The following UVRAG variants were observed in gnomAD, a reference collection of about 807,000 sequenced individuals.
UVRAG encodes UV radiation resistance-associated gene protein.
Under a neutral mutation model 78.0 loss-of-function variants are expected in UVRAG, and 19 were observed. The ratio of observed to expected loss-of-function variants is 0.24; its 90% CI spans 0.17 to 0.36. The LOEUF (loss-of-function observed/expected upper bound fraction) is 0.36. Ranked by LOEUF, UVRAG falls within the 10% of genes least tolerant of loss-of-function variation. The pLI, the probability that UVRAG is intolerant of heterozygous loss-of-function variation, is 1.00. For synonymous variants in UVRAG, 323 were observed against 324.6 expected (o/e 1.00, Z 0.05); for missense variants, 740 against 853.8 (o/e 0.87, Z 1.66).
At chr11:76,078,566 G>A (rs1156364801) in intron 13 of UVRAG, among the ~76,000 whole-genome samples, 1 of 151,658 alleles carries the variant, frequency 6.6e-6, no homozygotes, top group Non-Finnish European at 1.5e-5. Context: ...CAAAAAGGTG[G>A]ATGAAATGAT....
Position 76,007,582 on chromosome 11 carries a change from G to A in UVRAG, c.960G>A (p.Gln320=), listed in dbSNP as rs2135345828. The A allele has an allele frequency of 6.2e-7, 1 of 1,613,896 alleles. No individual in the cohort carries two copies. The highest frequency in any genetic ancestry group is 8.5e-7 in the Non-Finnish European group (1 of 1,179,960). The part of the protein sequence containing the change: ...TNAQLTIRCR[Q]LLSELSYIYP... ...CTCAGTTGACAATTCGTTGCAGGCA[G>A]TTACTCTCTGAGCTTTCCTACATTT... is the stretch of plus-strand genomic sequence containing the variant. The change falls in exon 10 of 15, where the codon CAG becomes CAA. Residue 320 remains glutamine, a synonymous_variant. Transcript: ENST00000356136.
At chr11:75,969,273 G>T (rs1028836787) in intron 7 of UVRAG, among the ~76,000 whole-genome samples, 2 of 152,220 alleles carry the variant, frequency 1.3e-5, no homozygotes, top group Admixed American at 6.5e-5. Flanking sequence ...GTTTCACTTA[G>T]TGTAATGTCC....
chr11:76,071,425 A>T (rs927884250), intron 13 of UVRAG, among the ~76,000 whole-genome samples: 1 of 152,140 alleles, frequency 6.6e-6, no homozygotes, highest in Non-Finnish European at 1.5e-5. Flanking sequence ...TGGCAGAGGT[A>T]CCCAGGGAGC....
At position 76,095,748 on chromosome 11, in the gene UVRAG, G is replaced by A. The variant is rs907070407; in HGVS notation, c.1306-20176G>A. ...TAGCTGGGCATGGTGGTGCCCACCT[G>A]TAGTTCTGGCTACTTGGGAAGCTGA... On this transcript the variant is annotated intron_variant, in intron 13 of 14. Coordinates refer to ENST00000356136, the MANE Select transcript of UVRAG (RefSeq NM_003369.4). Among the ~76,000 whole-genome samples the A allele has an allele frequency of 3.3e-5, 5 of 151,166 alleles. No individual in the cohort carries two copies. In the East Asian group the frequency reaches 9.7e-4, roughly 29 times the overall value.
chr11:75,941,276 G>T (rs1948478248), intron 6 of UVRAG, among the ~76,000 whole-genome samples: 1 of 152,084 alleles, frequency 6.6e-6, no homozygotes, highest in Non-Finnish European at 1.5e-5. Context: ...TCAGATTTTT[G>T]TTGTTGTCTC....
At chr11:75,953,283 C>A (rs1948738294) in intron 6 of UVRAG, among the ~76,000 whole-genome samples, 1 of 152,110 alleles carries the variant, frequency 6.6e-6, no homozygotes, top group Non-Finnish European at 1.5e-5. Context: ...TCTCTGTGTG[C>A]CATTCACCTA....
intron 4 of UVRAG, among the ~76,000 whole-genome samples, chr11:75,882,545 A>T (rs1946975663): frequency 6.6e-6 from 1 of 152,104 alleles, no homozygotes; most frequent in South Asian, 2.1e-4. Context: ...TGAAAATCTA[A>T]AAAAAACTAA....
intron 1 of UVRAG, among the ~76,000 whole-genome samples, chr11:75,832,111 C>T (rs765494452): frequency 8.5e-5 from 13 of 152,170 alleles, no homozygotes; most frequent in South Asian, 2.1e-4. Flanking sequence ...ACTGTCTGTA[C>T]CTAGGACAGT....
intron 6 of UVRAG, chr11:75,931,008 C>T (rs1312342501): frequency 8.2e-6 from 1 of 121,496 alleles, no homozygotes; most frequent in South Asian, 2.5e-4. Context: ...TTCTTTTAAC[C>T]TTTCCTGGGT....
Position 76,142,921 on chromosome 11 carries a change from T to A in UVRAG, c.*1508T>A, listed in dbSNP as rs1213394192. ...AGCATTCCTGGGCTCAAGTTTAATG[T>A]ATAGCTACATTGTTGTTTTCCATGT... On this transcript the variant is annotated 3_prime_UTR_variant, in exon 15 of 15. Transcript: ENST00000356136. 6.6e-6 allele frequency: 1 copy of A among 152,300 alleles called. No individual in the cohort carries two copies. Among genetic ancestry groups the A allele is most frequent in the Non-Finnish European group, 1.5e-5 (1 of 68,046 alleles). The allele number at this position is 152,300 out of a possible 1,614,324, so 9.4% of individuals were successfully genotyped here. A position where few individuals can be genotyped will look rare whatever the true frequency, so the allele number is the denominator to read the frequency against.
In UVRAG at chr11:75,949,718, C is replaced by T. The variant is rs1046638965; in HGVS notation, c.594-11726C>T. Among the ~76,000 whole-genome samples the T allele has an allele frequency of 2.7e-5, 4 of 147,398 alleles. No individual in the cohort carries two copies. The South Asian group carries it at 6.3e-4, about 23-fold the overall frequency. On this transcript the variant is annotated intron_variant, in intron 6 of 14. Transcript: ENST00000356136. Reference sequence around the variant, plus strand: ...ATATATATATATATATATATATACACACACACACACACATATACACATATA... The same window carrying T: ...ATATATATATATATATATATATACATACACACACACACATATACACATATA...
At chr11:75,877,291 T>C (rs1335632454) in intron 3 of UVRAG, among the ~76,000 whole-genome samples, 1 of 152,172 alleles carries the variant, frequency 6.6e-6, no homozygotes, top group Non-Finnish European at 1.5e-5. Context: ...CTCAATCTTT[T>C]CCCCACCTTT....
At chr11:76,074,188 C>G (rs1951364747) in intron 13 of UVRAG, among the ~76,000 whole-genome samples, 1 of 152,072 alleles carries the variant, frequency 6.6e-6, no homozygotes, top group African/African-American at 2.4e-5. Context: ...AATGAAAGCC[C>G]TTTGGGGTCC....
At chr11:76,087,432 C>T (rs1234091627) in intron 13 of UVRAG, among the ~76,000 whole-genome samples, 3 of 152,136 alleles carry the variant, frequency 2.0e-5, no homozygotes, top group African/African-American at 4.8e-5. Context: ...TTATTGACTG[C>T]ATCACAGACC....
chr11:76,037,740 T>TAA (rs1362991006), intron 12 of UVRAG, among the ~76,000 whole-genome samples: 1 of 151,972 alleles, frequency 6.6e-6, no homozygotes, highest in Non-Finnish European at 1.5e-5. Context: ...GGCGGGTACT[T>TAA]AAATTCTGGA....
rs117346482 is a variant in UVRAG, at chr11:76,111,587, C to A, written c.1306-4337C>A. Among the ~76,000 whole-genome samples the A allele has an allele frequency of 2.6e-5, 4 of 152,276 alleles. No individual in the cohort carries two copies. The East Asian group carries it at 7.7e-4, about 29-fold the overall frequency. On this transcript the variant is annotated intron_variant, in intron 13 of 14. Transcript: ENST00000356136. ...GGTGATTACGTGAAAGTGTAACATA[C>A]CAACACAGAGTTCCCCAACTGCCTT...
intron 3 of UVRAG, among the ~76,000 whole-genome samples, chr11:75,876,051 C>T (rs1946770212): frequency 6.6e-6 from 1 of 152,090 alleles, no homozygotes; most frequent in African/African-American, 2.4e-5. Context: ...AAACCAAAGC[C>T]CCGGCTTTGT....
Position 76,016,972 on chromosome 11 carries a change from GGA to G in UVRAG, c.1226_1226+1del. On this transcript the variant is annotated frameshift_variant, in exon 12 of 15. Coordinates refer to ENST00000356136, the MANE Select transcript of UVRAG (RefSeq NM_003369.4). LOFTEE classifies it high-confidence loss of function. ...ATATCAATGACAAACTGACGGAAAA[GGA>G]GAGAGAGTAAGTGTCTTTTTTTTAA... ...DNINDKLTEK[E>X]REFPLYPKGG... The G allele has an allele frequency of 1.2e-6, 2 of 1,601,168 alleles. No individual in the cohort carries two copies. Among genetic ancestry groups the G allele is most frequent in the East Asian group, 2.2e-5 (1 of 44,638 alleles).
intron 14 of UVRAG, 107 bp from the exon 15 acceptor site, chr11:76,140,604 T>C: frequency 8.9e-7 from 1 of 1,117,338 alleles, no homozygotes; most frequent in East Asian, 2.4e-5. Flanking sequence ...TTCTTATCTA[T>C]TTTTATTAGC....
Sources: gnomAD v4.1 joint callset for allele counts (sites outside exome capture counted in the v4.1 genomes callset) on GRCh38, gnomAD v4.1.1 for gene constraint, MANE v1.5 for transcripts, NCBI Gene and HGNC (gene_info 2026-07-23, HGNC 2026-07-21) for gene names.